Variants in HR observed in about 807,000 individuals in gnomAD.
HR encodes the protein lysine-specific demethylase hairless.
In HR, 83 loss-of-function variants were observed where a neutral mutation model predicts 128.6. That is an observed-to-expected ratio of 0.65 (90% CI 0.54 to 0.77). HR has a LOEUF of 0.77. HR is among the 30% of genes least tolerant of loss of function. The pLI is 0.00. For synonymous variants in HR, 681 were observed against 658.2 expected (o/e 1.03, Z -0.53); for missense variants, 1,490 against 1,574.6 (o/e 0.95, Z 0.91).
chr8:22,129,353 G>A, intron 1 of HR, 143 bp from the exon 2 acceptor site: 1 of 609,176 alleles, frequency 1.6e-6, no homozygotes, highest in South Asian at 2.9e-5. Flanking sequence ...TGGGCACCAT[G>A]CTGCCTCTCC....
chr8:22,130,363 C>G (rs1263557956), intron 1 of HR, 65 bp downstream of exon 1: 1 of 152,296 alleles, frequency 6.6e-6, no homozygotes, highest in Non-Finnish European at 1.5e-5. Flanking sequence ...CGTACGGGCA[C>G]CGCAGGCTCG....
chr8:22,128,114 T>A, intron 2 of HR: 1 of 563,266 alleles, frequency 1.8e-6, no homozygotes. Flanking sequence ...GGCCATTTGG[T>A]GTCCTGTGCC....
intron 12 of HR, 31 bp from the exon 13 acceptor site, chr8:22,120,204 T>G: frequency 6.3e-7 from 1 of 1,593,124 alleles, no homozygotes; most frequent in Non-Finnish European, 8.5e-7. Flanking sequence ...GCCATTGGCC[T>G]CCTCAGCCCT....
At position 22,115,622 on chromosome 8, in the gene HR, A is replaced by C; in HGVS notation, c.*78T>G. On this transcript the variant is annotated 3_prime_UTR_variant, in exon 19 of 19. Coordinates refer to ENST00000381418, the MANE Select transcript of HR (RefSeq NM_005144.5). Reference sequence around the variant, plus strand: ...AGAAATCCCCAAGTCCCCTAGCGCCATCCCCTGCTGAAGTTGTGCCTGGGC... The same window carrying C: ...AGAAATCCCCAAGTCCCCTAGCGCCCTCCCCTGCTGAAGTTGTGCCTGGGC... The C allele has an allele frequency of 8.0e-7, 1 of 1,247,766 alleles. No individual in the cohort carries two copies. The highest frequency in any genetic ancestry group is 1.2e-6 in the Non-Finnish European group (1 of 848,880). 77.3% of individuals were successfully genotyped at this position (1,247,766 alleles called of 1,614,324 possible). A position where few individuals can be genotyped will look rare whatever the true frequency, so the allele number is the denominator to read the frequency against.
At chr8:22,121,350 C>T (rs1481359627) in intron 9 of HR, 122 bp from the exon 10 acceptor site, 7 of 1,292,098 alleles carry the variant, frequency 5.4e-6, no homozygotes, top group African/African-American at 4.4e-5. Context: ...CAGCCAGCAT[C>T]CCCCACCTCA....
Position 22,128,629 on chromosome 8 carries a change from A to T in HR, c.542T>A (p.Leu181Gln), listed in dbSNP as rs201231790. 3 of 1,600,976 alleles carry T rather than the reference A, an allele frequency of 1.9e-6. No individual in the cohort carries two copies. The highest frequency in any genetic ancestry group is 1.7e-6 in the Non-Finnish European group (2 of 1,174,780). ...LPPEHPCDWP[L>Q]TPHPWVYSGG... ...GGAGTATACCCAGGGGTGCGGGGTC[A>T]GGGGCCAGTCACATGGATGCTCTGG... is the stretch of plus-strand genomic sequence containing the variant. Residue 181 changes from leucine to glutamine, a missense_variant, in exon 2 of 19, where the codon CTG (leucine) becomes CAG (glutamine). Coordinates refer to ENST00000381418, the MANE Select transcript of HR (RefSeq NM_005144.5).
chr8:22,124,545 C>T (rs780924367), intron 5 of HR, among the ~76,000 whole-genome samples: 1 of 152,248 alleles, frequency 6.6e-6, no homozygotes, highest in African/African-American at 2.4e-5. Flanking sequence ...GCAGTGCACA[C>T]ATTCCAGGTA....
intron 1 of HR, 59 bp from the exon 2 acceptor site, chr8:22,129,269 C>T (rs1191189186): frequency 6.3e-6 from 9 of 1,439,838 alleles, no homozygotes; most frequent in African/African-American, 1.4e-5. Context: ...CACCTTACAG[C>T]CTGGCACAGA....
chr8:22,123,673 T>A lies in HR; in HGVS notation c.1891A>T (p.Thr631Ser), dbSNP rs1337187163. 1 of 1,256,866 alleles carries A rather than the reference T, an allele frequency of 8.0e-7. No homozygotes were observed. Among genetic ancestry groups the A allele is most frequent in the Non-Finnish European group, 1.0e-6 (1 of 981,110 alleles). 77.9% of individuals were successfully genotyped at this position (1,256,866 alleles called of 1,614,324 possible). ...CCTGCTTTCTCCCTGGCCCGCCCAG[T>A]GCCTGCCACACGACCACAGGCCACA... Reference protein sequence around the residue: ...LCVACGRVAGTGRAREKAGFQ... With the variant: ...LCVACGRVAGSGRAREKAGFQ... Residue 631 changes from threonine (T) to serine (S), a missense_variant, in exon 6 of 19, where the codon ACT becomes TCT. Physicochemically the swap from Thr to Ser is moderately conservative, Grantham distance 58. This residue lies in a region of HR where 1,060 missense variants were observed against 1,060.9 expected (regional missense o/e 1.00). Transcript: ENST00000381418.
At chr8:22,125,979 G>C (rs1563183625) in intron 3 of HR, among the ~76,000 whole-genome samples, 1 of 152,228 alleles carries the variant, frequency 6.6e-6, no homozygotes, top group Admixed American at 6.5e-5. Context: ...TGTCTGGTGT[G>C]TTGAGCCCAA....
In HR at chr8:22,123,735, G is replaced by C. The variant is rs1299425021; in HGVS notation, c.1829C>G (p.Thr610Ser). The change falls in exon 6 of 19, where the codon ACC becomes AGC. Residue 610 changes from threonine to serine, a missense_variant. By Grantham distance (58) the Thr-to-Ser change is moderately conservative (BLOSUM62 1). Around this residue, in one of 3 missense-constraint regions of HR, gnomAD observed 1,060 missense variants for 1,060.9 expected, o/e 1.00. Coordinates refer to ENST00000381418, the MANE Select transcript of HR (RefSeq NM_005144.5). ...GCTGCAGCGGGGACATCGCCAGTGGGTGTTGAAGAGTCCATGGTGGCAACG... is the reference window on the plus strand; with the variant it reads ...GCTGCAGCGGGGACATCGCCAGTGGCTGTTGAAGAGTCCATGGTGGCAACG... The part of the protein sequence containing the change: ...CSRCHHGLFN[T>S]HWRCPRCSHR... The C allele has an allele frequency of 3.1e-6, 5 of 1,595,688 alleles. No individual in the cohort carries two copies. The highest frequency in any genetic ancestry group is 3.4e-5 in the Admixed American group (2 of 58,800).
intron 13 of HR, 35 bp downstream of exon 13, chr8:22,120,069 G>A (rs369653623): frequency 2.8e-5 from 44 of 1,570,286 alleles, no homozygotes; most frequent in South Asian, 7.0e-5. Context: ...CTGCGGTGGC[G>A]GGGAGGTAGG....
At position 22,130,847 on chromosome 8, in the gene HR, C is replaced by G. The variant is rs1827034589; in HGVS notation, c.-460G>C. The G allele has an allele frequency of 6.6e-6, 1 of 152,048 alleles. No individual in the cohort carries two copies. The highest frequency in any genetic ancestry group is 3.2e-3 in the Middle Eastern group (1 of 314). 9.4% of individuals were successfully genotyped at this position (152,048 alleles called of 1,614,324 possible). A position where few individuals can be genotyped will look rare whatever the true frequency, so the allele number is the denominator to read the frequency against. The stretch of plus-strand genomic sequence containing the variant: ...GAGATGGCCGAGTTGGGGGAAAGGC[C>G]GAGGGGCCGGGGAAGGGGGTCGTGC... On this transcript the variant is annotated 5_prime_UTR_variant, in exon 1 of 19. Transcript: ENST00000381418.
intron 15 of HR, 31 bp from the exon 16 acceptor site, chr8:22,119,096 A>G (rs771516090): frequency 1.3e-5 from 21 of 1,613,484 alleles, no homozygotes; most frequent in Non-Finnish European, 1.8e-5. Flanking sequence ...AGGCAGGCCC[A>G]GGGCTGGTGG....
At position 22,125,493 on chromosome 8, in the gene HR, C is replaced by G; in HGVS notation, c.1568G>C (p.Gly523Ala). Reference sequence around the variant, plus strand: ...GTCTTCCTCCTGCTGCAGCTCCCCTCCCAGAGGCGATCTGGAGAGAGGGCA... The same window carrying G: ...GTCTTCCTCCTGCTGCAGCTCCCCTGCCAGAGGCGATCTGGAGAGAGGGCA... ...HSQQVRRSPLGGELQQEEDTA... is the reference protein window; with the variant it reads ...HSQQVRRSPLAGELQQEEDTA... The change falls in exon 5 of 19, where the codon GGA becomes GCA. Residue 523 changes from glycine to alanine, a missense_variant. Physicochemically the swap from Gly to Ala is moderately conservative, Grantham distance 60. Coordinates refer to ENST00000381418, the MANE Select transcript of HR (RefSeq NM_005144.5). The G allele has an allele frequency of 6.2e-7, 1 of 1,613,472 alleles. No homozygotes were observed. The highest frequency in any genetic ancestry group is 8.5e-7 in the Non-Finnish European group (1 of 1,179,966).
At chr8:22,124,422 A>G (rs1278497741) in intron 5 of HR, among the ~76,000 whole-genome samples, 2 of 152,204 alleles carry the variant, frequency 1.3e-5, no homozygotes, top group Non-Finnish European at 2.9e-5. Context: ...AGAACCAAGT[A>G]TGAGACTAAG....
chr8:22,119,468 G>T (rs376755494), intron 14 of HR, among the ~76,000 whole-genome samples, 185 bp from the exon 15 acceptor site: 3 of 152,094 alleles, frequency 2.0e-5, no homozygotes, highest in African/African-American at 7.2e-5. Context: ...TTAGCCGGGC[G>T]TGGTGGTGCA....
chr8:22,126,373 G>A (rs1826891500), intron 3 of HR, among the ~76,000 whole-genome samples: 1 of 152,226 alleles, frequency 6.6e-6, no homozygotes, highest in Non-Finnish European at 1.5e-5. Context: ...CAGTGCCAGG[G>A]TCCTCCGTGG....
In HR at chr8:22,127,288, G is replaced by A; in HGVS notation, c.1154C>T (p.Thr385Ile). ...ACATTCAAACTGCTCCGAGTGCCGT[G>A]TGAGCCATGTCTTCTTCAGCTTGGT... The part of the protein sequence containing the change: ...HHTKLKKTWL[T>I]RHSEQFECPR... The change falls in exon 3 of 19, where the codon ACA (threonine) becomes ATA (isoleucine). Residue 385 changes from threonine (T) to isoleucine (I), a missense_variant. By Grantham distance (89) the Thr-to-Ile change is moderately conservative. Around this residue, in one of 3 missense-constraint regions of HR, gnomAD observed 1,060 missense variants for 1,060.9 expected, o/e 1.00. Coordinates refer to ENST00000381418, the MANE Select transcript of HR (RefSeq NM_005144.5). The A allele has an allele frequency of 6.2e-7, 1 of 1,613,320 alleles. No individual in the cohort carries two copies. The highest frequency in any genetic ancestry group is 8.5e-7 in the Non-Finnish European group (1 of 1,180,040).
Sources: gnomAD v4.1 joint callset for allele counts (sites outside exome capture counted in the v4.1 genomes callset) on GRCh38, gnomAD v4.1.1 for gene constraint, gnomAD v4.1.1 regional missense constraint, MANE v1.5 for transcripts, NCBI Gene and HGNC (gene_info 2026-07-23, HGNC 2026-07-21) for gene names.